SRCIN1: variants seen among roughly 807,000 people sequenced by gnomAD.
SRCIN1 encodes P130Cas-associated protein.
In SRCIN1, 50 loss-of-function variants were observed where a neutral mutation model predicts 116.2. The ratio of observed to expected loss-of-function variants is 0.43; its 90% CI spans 0.34 to 0.54. SRCIN1 has a LOEUF of 0.54. SRCIN1 is among the 20% of genes least tolerant of loss of function. The pLI is 0.02. For missense variants in SRCIN1, 1,446 were observed against 1,672.0 expected, an observed-to-expected ratio of 0.86 and a Z score of 2.36; for synonymous variants, 736 against 750.0, an observed-to-expected ratio of 0.98 and a Z score of 0.30.
At chr17:38,592,837 G>T (rs560977511) in intron 1 of SRCIN1, among the ~76,000 whole-genome samples, 1 of 152,162 alleles carries the variant, frequency 6.6e-6, no homozygotes, top group Admixed American at 6.5e-5. Context: ...GGGGGGGTTG[G>T]GGGGCTGGTG....
intron 15 of SRCIN1, among the ~76,000 whole-genome samples, chr17:38,550,360 T>TG (rs1467681710): frequency 3.3e-5 from 5 of 151,944 alleles, no homozygotes; most frequent in South Asian, 2.1e-4. Context: ...CCGGGCGTGG[T>TG]GCAGGCGCCT....
chr17:38,554,898 C>T (rs1256823970), intron 11 of SRCIN1, among the ~76,000 whole-genome samples: 1 of 152,162 alleles, frequency 6.6e-6, no homozygotes, highest in East Asian at 1.9e-4. Context: ...TTCTACCATC[C>T]AACAGATTTG....
intron 17 of SRCIN1, among the ~76,000 whole-genome samples, chr17:38,548,222 T>C (rs1303000411): frequency 6.6e-6 from 1 of 151,838 alleles, no homozygotes; most frequent in Non-Finnish European, 1.5e-5. Flanking sequence ...TGAGCTGATC[T>C]CAGAACACTG....
At chr17:38,584,511 G>A (rs1227304796) in intron 1 of SRCIN1, among the ~76,000 whole-genome samples, 1 of 152,250 alleles carries the variant, frequency 6.6e-6, no homozygotes. Flanking sequence ...AGGCTGGGGT[G>A]GCCGGGAAGT....
At chr17:38,567,284 G>A (rs1313803446) in intron 3 of SRCIN1, among the ~76,000 whole-genome samples, 4 of 152,186 alleles carry the variant, frequency 2.6e-5, no homozygotes, top group African/African-American at 9.7e-5. Context: ...AGGCTAAGAG[G>A]ATATGTGGCT....
At chr17:38,594,955 A>G (rs1393987020) in intron 1 of SRCIN1, among the ~76,000 whole-genome samples, 4 of 152,134 alleles carry the variant, frequency 2.6e-5, no homozygotes, top group Non-Finnish European at 5.9e-5. Context: ...AGGGACTTGG[A>G]GGCCAAGTAA....
At chr17:38,567,371 C>T (rs554171152) in intron 3 of SRCIN1, among the ~76,000 whole-genome samples, 4 of 152,210 alleles carry the variant, frequency 2.6e-5, no homozygotes, top group Non-Finnish European at 4.4e-5. Context: ...TGGGTCCATG[C>T]GCTTAACCAC....
At position 38,585,776 on chromosome 17, in the gene SRCIN1, C is replaced by T. The variant is rs1908079282; in HGVS notation, c.23-6985G>A. Among the ~76,000 whole-genome samples, 2 of 152,198 alleles carry T rather than the reference C, an allele frequency of 1.3e-5. No individual in the cohort carries two copies. The highest frequency in any genetic ancestry group is 2.9e-5 in the Non-Finnish European group (2 of 68,034). On this transcript the variant is annotated intron_variant, in intron 1 of 18. Coordinates refer to ENST00000617146, the MANE Select transcript of SRCIN1 (RefSeq NM_025248.3). This position sits in a 1 kb window ranked among gnomAD's most constrained non-coding sequence, Gnocchi z 4.2. ...TAATATCCCCCCAAATTGCTAATAC[C>T]CAGCGCCCTGTTGAGTCTCCCTGTC...
Position 38,602,452 on chromosome 17 carries a change from C to CT in SRCIN1, c.22+3231dup, listed in dbSNP as rs1255462011. ...GCCCACCCACAGCAGGCAGCCAGGA[C>CT]TTGGGGGGCACAACCTGTCCCCCAC... On this transcript the variant is annotated intron_variant, in intron 1 of 18. Coordinates refer to ENST00000617146, the MANE Select transcript of SRCIN1 (RefSeq NM_025248.3). This position sits in a 1 kb window ranked among gnomAD's most constrained non-coding sequence, Gnocchi z 4.2. The CT allele has an allele frequency of 2.6e-5, 4 of 152,308 alleles. No homozygotes were observed. Among genetic ancestry groups the CT allele is most frequent in the Non-Finnish European group, 4.4e-5 (3 of 68,096 alleles). 9.4% of individuals were successfully genotyped at this position (152,308 alleles called of 1,614,324 possible). A position where few individuals can be genotyped will look rare whatever the true frequency, so the allele number is the denominator to read the frequency against.
chr17:38,562,003 A>C lies in SRCIN1; in HGVS notation c.1160T>G (p.Met387Arg). 1 of 1,494,108 alleles carries C rather than the reference A, an allele frequency of 6.7e-7. No homozygotes were observed. 92.6% of individuals were successfully genotyped at this position (1,494,108 alleles called of 1,614,324 possible). ...DEDLASKAGG[M>R]VLVKGEGLYA... ...GAGGCCCTCGCCTTTCACCAGCACC[A>C]TGCCGCCCGCCTTGCTCGCCAGGTC... Residue 387 changes from methionine (M) to arginine (R), a missense_variant, in exon 7 of 19, where the codon ATG (methionine) becomes AGG (arginine). Physicochemically the swap from Met to Arg is moderately conservative, Grantham distance 91. Coordinates refer to ENST00000617146, the MANE Select transcript of SRCIN1 (RefSeq NM_025248.3). This position sits in a 1 kb window ranked among gnomAD's most constrained non-coding sequence, Gnocchi z 4.2.
Position 38,604,619 on chromosome 17 carries a change from G to A in SRCIN1, c.22+1065C>T. 2.3e-6 allele frequency: 1 copy of A among 433,254 alleles called. No homozygotes were observed. The highest frequency in any genetic ancestry group is 1.6e-5 in the South Asian group (1 of 61,810). The allele number at this position is 433,254 out of a possible 1,614,324, so 26.8% of individuals were successfully genotyped here. On this transcript the variant is annotated intron_variant, in intron 1 of 18. Transcript: ENST00000617146. This position sits in a 1 kb window ranked among gnomAD's most constrained non-coding sequence, Gnocchi z 4.3. Reference sequence around the variant, plus strand: ...GGGCTGCATGGGGACGCGTGGGGCTGGGGGACGAGCACCAGCAGCCGCACA... The same window carrying A: ...GGGCTGCATGGGGACGCGTGGGGCTAGGGGACGAGCACCAGCAGCCGCACA...
chr17:38,603,424 TCGAG>T (rs374928858), intron 1 of SRCIN1, among the ~76,000 whole-genome samples: 204 of 152,012 alleles, frequency 1.3e-3, no homozygotes, highest in African/African-American at 4.6e-3. Flanking sequence ...AGGGGTTCAT[TCGAG>T]CGACCCTTCC....
At chr17:38,582,868 G>A (rs150434522) in intron 1 of SRCIN1, among the ~76,000 whole-genome samples, 2 of 152,150 alleles carry the variant, frequency 1.3e-5, no homozygotes, top group East Asian at 3.9e-4. Flanking sequence ...GGATGAACCT[G>A]GGCTTCTGGT....
Position 38,580,420 on chromosome 17 carries a change from C to T in SRCIN1, c.23-1629G>A, listed in dbSNP as rs1372553087. 4.6e-5 allele frequency among the ~76,000 whole-genome samples: 7 copies of T among 152,102 alleles called. No homozygotes were observed. The South Asian group carries it at 6.2e-4, about 14-fold the overall frequency. On this transcript the variant is annotated intron_variant, in intron 1 of 18. Coordinates refer to ENST00000617146, the MANE Select transcript of SRCIN1 (RefSeq NM_025248.3). ...GAAGGGCTCCCATGGGCATGAGAGC[C>T]GCAGCTCACCAGGGCCTGACCACCT...
chr17:38,574,258 G>A (rs1337979121), intron 2 of SRCIN1, among the ~76,000 whole-genome samples: 1 of 152,218 alleles, frequency 6.6e-6, no homozygotes, highest in East Asian at 1.9e-4. Flanking sequence ...CTAGCTGGGA[G>A]CCCAGGCCCC....
chr17:38,539,205 T>C (rs1223744978), intron 18 of SRCIN1, among the ~76,000 whole-genome samples: 1 of 152,162 alleles, frequency 6.6e-6, no homozygotes, highest in Non-Finnish European at 1.5e-5. Context: ...AGGTATAAAG[T>C]TGTAAACTTG....
At chr17:38,567,756 C>T (rs553937647) in intron 3 of SRCIN1, among the ~76,000 whole-genome samples, 82 of 152,252 alleles carry the variant, frequency 5.4e-4, no homozygotes, top group African/African-American at 1.7e-3. Flanking sequence ...CTGCCTAGCA[C>T]GGACCAGCCC....
rs2143186588 is a variant in SRCIN1 at position 38,561,935 on chromosome 17, G to A, written c.1228C>T (p.Leu410=). The change falls in exon 7 of 19, where the codon CTG becomes TTG. Residue 410 remains leucine (L), a synonymous_variant. Transcript: ENST00000617146. ...AACGGGTCGCCGGCGGCCGCGGCCA[G>A]GCTCAGACGGCCCTCGTGCAGCAGC... ...YGLLHEGRLS[L]AAAAGDPFAY... is the part of the protein sequence containing the mutation. 2 of 1,461,776 alleles carry A rather than the reference G, an allele frequency of 1.4e-6. No homozygotes were observed. The highest frequency in any genetic ancestry group is 2.7e-5 in the South Asian group (2 of 74,288). The allele number at this position is 1,461,776 out of a possible 1,614,324, so 90.6% of individuals were successfully genotyped here.
rs375008092 is a variant in SRCIN1, at chr17:38,563,431, G to A, written c.632C>T (p.Ala211Val). 35 of 1,565,600 alleles carry A rather than the reference G, an allele frequency of 2.2e-5. No individual in the cohort carries two copies. Among genetic ancestry groups the A allele is most frequent in the Non-Finnish European group, 3.0e-5 (35 of 1,154,406 alleles). Residue 211 changes from alanine to valine, a missense_variant, in exon 5 of 19, where the codon GCG becomes GTG. Ala to Val is a moderately conservative substitution (Grantham distance 64). Coordinates refer to ENST00000617146, the MANE Select transcript of SRCIN1 (RefSeq NM_025248.3). This position sits in a 1 kb window ranked among gnomAD's most constrained non-coding sequence, Gnocchi z 5.8. ...GGTGAGCTTCTGCGGGAACATGTGC[G>A]CGATGAGTGCGTGCAGCGTGTCCAG... ...SSLDTLHALI[A>V]HMFPQKLTMG...
Sources: gnomAD v4.1 joint callset for allele counts (sites outside exome capture counted in the v4.1 genomes callset) on GRCh38, gnomAD v4.1.1 for gene constraint, Gnocchi (gnomAD v3.1) non-coding constraint, MANE v1.5 for transcripts, NCBI Gene and HGNC (gene_info 2026-07-23, HGNC 2026-07-21) for gene names.